Variants in COG6 observed in about 807,000 individuals in gnomAD.
The protein encoded by COG6 is component of oligomeric golgi complex 6.
Under a neutral mutation model 88.8 loss-of-function variants are expected in COG6, and 74 were observed. That is an observed-to-expected ratio of 0.83 (90% CI 0.69 to 1.01). COG6 has a LOEUF of 1.01. Ranked by LOEUF, COG6 falls within the 50% of genes least tolerant of loss-of-function variation. COG6 has a pLI of 0.00. For missense variants in COG6, 800 were observed against 797.9 expected (o/e 1.00, Z -0.03); for synonymous variants, 286 against 278.7 (o/e 1.03, Z -0.26).
Position 39,719,112 on chromosome 13 carries a change from A to G in COG6, c.1285-124A>G, listed in dbSNP as rs1593448872. The G allele has an allele frequency of 4.6e-6, 4 of 870,718 alleles. No individual in the cohort carries two copies. The East Asian group carries it at 1.1e-4, about 24-fold the overall frequency. 53.9% of individuals were successfully genotyped at this position (870,718 alleles called of 1,614,324 possible). On this transcript the variant is annotated intron_variant, in intron 13 of 18. Coordinates refer to ENST00000455146, the MANE Select transcript of COG6 (RefSeq NM_020751.3). ...TCAAAGTAAGCTATTGATAAATTATAGGTTTCTAATGTGTGAGTCTGTGCT... is the reference window on the plus strand; with the variant it reads ...TCAAAGTAAGCTATTGATAAATTATGGGTTTCTAATGTGTGAGTCTGTGCT...
At chr13:39,664,495 C>A (rs1452794632) in intron 3 of COG6, among the ~76,000 whole-genome samples, 1 of 152,078 alleles carries the variant, frequency 6.6e-6, no homozygotes, top group Non-Finnish European at 1.5e-5. Flanking sequence ...GGATAAGATG[C>A]TTTTTTAATT....
chr13:39,724,515 T>C lies in COG6; in HGVS notation c.1700T>C (p.Leu567Ser), dbSNP rs1246329365. ...TTTTTTTTTTTTAAATAGGGCTCTT[T>C]AGCTAATATGCCCAACCTAGATTCT... ...VQQHKPEQGS[L>S]ANMPNLDSVT... The change falls in exon 17 of 19, where the codon TTA becomes TCA. Residue 567 changes from leucine to serine, a missense_variant. Leu to Ser is a moderately radical substitution (Grantham distance 145). Transcript: ENST00000455146. 6.3e-7 allele frequency: 1 copy of C among 1,577,976 alleles called. No homozygotes were observed. Among genetic ancestry groups the C allele is most frequent in the Non-Finnish European group, 8.7e-7 (1 of 1,150,858 alleles).
At chr13:39,694,451 G>A (rs1309194299) in intron 11 of COG6, among the ~76,000 whole-genome samples, 183 bp from the exon 12 acceptor site, 1 of 151,594 alleles carries the variant, frequency 6.6e-6, no homozygotes, top group Non-Finnish European at 1.5e-5. Flanking sequence ...GTATATCTCT[G>A]TTAAAATGTT....
chr13:39,723,968 G>A (rs1878991283), intron 16 of COG6, among the ~76,000 whole-genome samples: 1 of 152,098 alleles, frequency 6.6e-6, no homozygotes, highest in South Asian at 2.1e-4. Context: ...TAGAAATAAA[G>A]GAGTGGTGGG....
intron 11 of COG6, among the ~76,000 whole-genome samples, chr13:39,693,527 A>C (rs1489797848): frequency 5.3e-5 from 8 of 151,972 alleles, no homozygotes; most frequent in Non-Finnish European, 8.8e-5. Context: ...TGTAATGTAT[A>C]ATTTAAGTCA....
At chr13:39,741,647 C>T (rs1002299991) in intron 18 of COG6, among the ~76,000 whole-genome samples, 1 of 152,088 alleles carries the variant, frequency 6.6e-6, no homozygotes, top group African/African-American at 2.4e-5. Context: ...CTGAAAGTGA[C>T]AGGGAGAGTG....
At chr13:39,730,772 T>TTAAAAAAAAAAAAAA (rs1879393514) in intron 18 of COG6, among the ~76,000 whole-genome samples, 1 of 4,130 alleles carries the variant, frequency 2.4e-4, no homozygotes, top group Non-Finnish European at 4.8e-4. Context: ...AGACTCCATC[T>TTAAAAAAAAAAAAAA]CAAAAAAAAA....
chr13:39,788,400 C>T, exon 19 of COG6: 2 of 1,546,578 alleles, frequency 1.3e-6, no homozygotes, highest in Non-Finnish European at 1.8e-6. Context: ...TGGAGCCATT[C>T]CAGTTGTGGG....
rs1055872527 is a variant in COG6 at position 39,694,794 on chromosome 13, A to G, written c.1166+69A>G. The G allele has an allele frequency of 4.2e-5, 36 of 848,728 alleles. No homozygotes were observed. In the African/African-American group the frequency reaches 6.0e-4, roughly 14 times the overall value. 52.6% of individuals were successfully genotyped at this position (848,728 alleles called of 1,614,324 possible). A position where few individuals can be genotyped will look rare whatever the true frequency, so the allele number is the denominator to read the frequency against. On this transcript the variant is annotated intron_variant, in intron 12 of 18. Transcript: ENST00000455146. ...TTTCTTTCAGTTAGAGCACAGTATA[A>G]GATTTTTTTTTATATTGTGTATAGT...
intron 18 of COG6, among the ~76,000 whole-genome samples, chr13:39,766,494 C>T (rs1437550105): frequency 2.0e-5 from 3 of 152,260 alleles, no homozygotes; most frequent in Admixed American, 6.5e-5. Flanking sequence ...TCAAGATGAG[C>T]TGAAATCTGG....
intron 1 of COG6, 185 bp downstream of exon 1, chr13:39,656,064 G>A: frequency 1.3e-6 from 1 of 765,202 alleles, no homozygotes; most frequent in Non-Finnish European, 2.3e-6. Flanking sequence ...GGGAGCCCCA[G>A]CAACCTCCGG....
At chr13:39,758,492 G>A (rs879695873) in intron 18 of COG6, among the ~76,000 whole-genome samples, 1 of 152,140 alleles carries the variant, frequency 6.6e-6, no homozygotes, top group Non-Finnish European at 1.5e-5. Flanking sequence ...ATGAAAAAAT[G>A]ATCAGCATCA....
At chr13:39,736,551 C>T (rs1804280314) in intron 18 of COG6, among the ~76,000 whole-genome samples, 1 of 151,960 alleles carries the variant, frequency 6.6e-6, no homozygotes, top group Non-Finnish European at 1.5e-5. Flanking sequence ...ATTAGCCAGG[C>T]ATAGTGGTGC....
intron 1 of COG6, among the ~76,000 whole-genome samples, chr13:39,657,650 A>G (rs968330044): frequency 2.0e-5 from 3 of 152,090 alleles, no homozygotes; most frequent in Non-Finnish European, 2.9e-5. Flanking sequence ...CAATATTTCA[A>G]AATAACAAAT....
chr13:39,717,594 C>T (rs982596643), intron 13 of COG6, among the ~76,000 whole-genome samples: 1 of 152,104 alleles, frequency 6.6e-6, no homozygotes, highest in Non-Finnish European at 1.5e-5. Context: ...AGGCCAAGCA[C>T]AGCAGTTCAC....
intron 18 of COG6, 57 bp downstream of exon 18, chr13:39,727,605 G>A (rs1269597506): frequency 7.9e-7 from 1 of 1,273,570 alleles, no homozygotes; most frequent in African/African-American, 1.5e-5. Flanking sequence ...TAAATATCAA[G>A]TACATTTTTT....
At chr13:39,764,117 G>GT (rs200085594) in intron 18 of COG6, among the ~76,000 whole-genome samples, 1,636 of 151,810 alleles carry the variant, frequency 0.011, 19 homozygotes, top group Non-Finnish European at 0.016. Context: ...ATTTCTTCTT[G>GT]TGTCAGTTTT....
At position 39,677,427 on chromosome 13, in the gene COG6, G is replaced by A. The variant is rs772115193; in HGVS notation, c.429-41G>A. On this transcript the variant is annotated intron_variant, in intron 4 of 18. Coordinates refer to ENST00000455146, the MANE Select transcript of COG6 (RefSeq NM_020751.3). ...ATTTGTTTTAAAGCTATGCAACTGT[G>A]TAAGATGCTTGATTTTTATTGCTTG... 16 of 1,138,370 alleles carry A rather than the reference G, an allele frequency of 1.4e-5. No individual in the cohort carries two copies. The East Asian group carries it at 3.5e-4, about 25-fold the overall frequency. 70.5% of individuals were successfully genotyped at this position (1,138,370 alleles called of 1,614,324 possible).
At chr13:39,722,634 A>AT (rs1361662261) in intron 15 of COG6, among the ~76,000 whole-genome samples, 1 of 148,706 alleles carries the variant, frequency 6.7e-6, no homozygotes, top group Non-Finnish European at 1.5e-5. Flanking sequence ...AAAAAAAAAA[A>AT]GAACAAGATT....
Sources: allele counts gnomAD v4.1 joint callset (sites outside exome capture counted in the v4.1 genomes callset), GRCh38; gene constraint gnomAD v4.1.1; transcripts MANE v1.5; gene names NCBI Gene and HGNC (gene_info 2026-07-23, HGNC 2026-07-21).